The following RAPGEF5 variants were observed in gnomAD, a reference collection of about 807,000 sequenced individuals.
RAPGEF5 encodes the protein M-Ras-regulated GEF.
Under a neutral mutation model 125.2 loss-of-function variants are expected in RAPGEF5, and 65 were observed. The ratio of observed to expected loss-of-function variants is 0.52; its 90% CI spans 0.43 to 0.64. RAPGEF5 has a LOEUF of 0.64. Among genes scored for constraint, RAPGEF5 ranks in the 30% least tolerant of loss-of-function variants. The pLI is 0.00. For missense variants in RAPGEF5, 958 were observed against 1,048.1 expected (o/e 0.91, Z 1.19); for synonymous variants, 391 against 385.9 (o/e 1.01, Z -0.16).
rs532659891 is a variant in RAPGEF5 at position 22,122,580 on chromosome 7, T to C, written c.2537-59A>G. 142 of 1,293,242 alleles carry C rather than the reference T, an allele frequency of 1.1e-4. 1 individual carries two copies. The South Asian group carries it at 1.6e-3, about 15-fold the overall frequency. The allele number at this position is 1,293,242 out of a possible 1,614,324, so 80.1% of individuals were successfully genotyped here. On this transcript the variant is annotated intron_variant, in intron 25 of 25. Transcript: ENST00000665637. ...GGAGAGCAGTAATGCTGTATCTACATACCAACAAAACCCCACACTAAGGCT... is the reference window on the plus strand; with the variant it reads ...GGAGAGCAGTAATGCTGTATCTACACACCAACAAAACCCCACACTAAGGCT...
intron 7 of RAPGEF5, among the ~76,000 whole-genome samples, chr7:22,235,645 C>A (rs780030658): frequency 6.6e-6 from 1 of 152,130 alleles, no homozygotes; most frequent in Non-Finnish European, 1.5e-5. Flanking sequence ...TAGGAAAACA[C>A]CATAGTGTTT....
chr7:22,310,658 T>C lies in RAPGEF5; in HGVS notation c.390-568A>G, dbSNP rs556768517. Among the ~76,000 whole-genome samples the C allele has an allele frequency of 6.0e-4, 69 of 114,266 alleles. No individual in the cohort carries two copies. In the East Asian group the frequency reaches 0.019, roughly 32 times the overall value. 75.0% of individuals were successfully genotyped at this position (114,266 alleles called of 152,430 possible). A position where few individuals can be genotyped will look rare whatever the true frequency, so the allele number is the denominator to read the frequency against. ...AAAATTGGGACCACAGTCAGTTGTA[T>C]AGAGTTTGTTTGCTATTCTTCAAAC... is the stretch of plus-strand genomic sequence containing the variant. On this transcript the variant is annotated intron_variant, in intron 3 of 25. Transcript: ENST00000665637.
intron 11 of RAPGEF5, among the ~76,000 whole-genome samples, chr7:22,171,468 A>G (rs1432961779): frequency 6.6e-6 from 1 of 152,222 alleles, no homozygotes; most frequent in Non-Finnish European, 1.5e-5. Context: ...ATTAATATGC[A>G]TATGTTAATA....
At chr7:22,301,748 T>A (rs1201017946) in intron 5 of RAPGEF5, among the ~76,000 whole-genome samples, 1 of 152,146 alleles carries the variant, frequency 6.6e-6, no homozygotes, top group Non-Finnish European at 1.5e-5. Flanking sequence ...AAAAACTAAT[T>A]TTCAATAGTT....
intron 1 of RAPGEF5, among the ~76,000 whole-genome samples, chr7:22,321,370 C>T (rs1783712202): frequency 6.6e-6 from 1 of 152,134 alleles, no homozygotes; most frequent in Non-Finnish European, 1.5e-5. Flanking sequence ...CTGAAGCAGG[C>T]ATGGAACTCA....
At chr7:22,156,004 A>G (rs1310513102) in intron 16 of RAPGEF5, among the ~76,000 whole-genome samples, 1 of 152,232 alleles carries the variant, frequency 6.6e-6, no homozygotes, top group Non-Finnish European at 1.5e-5. Flanking sequence ...GGTACGGATG[A>G]CACTTAATAT....
chr7:22,351,983 A>G (rs1784339295), intron 1 of RAPGEF5, among the ~76,000 whole-genome samples: 1 of 152,228 alleles, frequency 6.6e-6, no homozygotes, highest in Non-Finnish European at 1.5e-5. Context: ...AATTTTGAAG[A>G]GCACAGGCCA....
intron 12 of RAPGEF5, among the ~76,000 whole-genome samples, chr7:22,163,897 T>C (rs957934691): frequency 6.6e-6 from 1 of 152,216 alleles, no homozygotes; most frequent in Non-Finnish European, 1.5e-5. Context: ...TATTTTAAAA[T>C]ATAATTTAGT....
At chr7:22,278,934 G>A (rs748889977) in intron 6 of RAPGEF5, among the ~76,000 whole-genome samples, 3 of 151,834 alleles carry the variant, frequency 2.0e-5, no homozygotes, top group African/African-American at 4.8e-5. Context: ...TTGAAGTTCC[G>A]TAATTTTTGT....
intron 1 of RAPGEF5, among the ~76,000 whole-genome samples, chr7:22,338,069 T>C (rs1024481922): frequency 2.6e-5 from 4 of 152,244 alleles, no homozygotes; most frequent in African/African-American, 9.6e-5. Context: ...AAAGTATTTT[T>C]AGCAAGTCTT....
At chr7:22,191,988 T>G (rs1785011047) in intron 11 of RAPGEF5, among the ~76,000 whole-genome samples, 1 of 152,236 alleles carries the variant, frequency 6.6e-6, no homozygotes, top group Non-Finnish European at 1.5e-5. Flanking sequence ...GTCTTTTCCA[T>G]GACAGATAAT....
chr7:22,258,121 T>C (rs1284930018), intron 7 of RAPGEF5, among the ~76,000 whole-genome samples: 1 of 152,082 alleles, frequency 6.6e-6, no homozygotes, highest in East Asian at 1.9e-4. Context: ...TCGAAAATTC[T>C]CATACAACAA....
intron 7 of RAPGEF5, among the ~76,000 whole-genome samples, chr7:22,235,904 A>G (rs927837981): frequency 6.6e-6 from 1 of 152,220 alleles, no homozygotes; most frequent in African/African-American, 2.4e-5. Flanking sequence ...CCATTCTTTA[A>G]AAAGGAAGAA....
intron 7 of RAPGEF5, among the ~76,000 whole-genome samples, chr7:22,236,091 C>G (rs544201966): frequency 6.6e-6 from 1 of 152,130 alleles, no homozygotes; most frequent in Non-Finnish European, 1.5e-5. Context: ...TCTGCTCCAG[C>G]GTGTTTTCTC....
At chr7:22,187,759 G>A (rs954955833) in intron 11 of RAPGEF5, among the ~76,000 whole-genome samples, 1 of 152,242 alleles carries the variant, frequency 6.6e-6, no homozygotes, top group Admixed American at 6.5e-5. Context: ...TGTCAGAGGG[G>A]TTGTAAAGGG....
At chr7:22,314,010 T>G (rs1276392881) in intron 3 of RAPGEF5, among the ~76,000 whole-genome samples, 1 of 152,218 alleles carries the variant, frequency 6.6e-6, no homozygotes, top group Non-Finnish European at 1.5e-5. Context: ...CGTGAGTCCA[T>G]ACACACAAAG....
intron 7 of RAPGEF5, among the ~76,000 whole-genome samples, chr7:22,256,846 G>T (rs1786774398): frequency 6.6e-6 from 1 of 152,184 alleles, no homozygotes; most frequent in African/African-American, 2.4e-5. Context: ...GGATATCTGT[G>T]CAAATTTCTG....
intron 12 of RAPGEF5, 136 bp from the exon 13 acceptor site, chr7:22,162,677 G>A (rs1784044203): frequency 2.3e-6 from 2 of 883,246 alleles, no homozygotes; most frequent in Non-Finnish European, 3.5e-6. Context: ...TGCGTAGGGA[G>A]AGCAAAAGGT....
chr7:22,150,299 C>T (rs4719685), intron 18 of RAPGEF5, 108 bp downstream of exon 18: 1 of 1,133,092 alleles, frequency 8.8e-7, no homozygotes, highest in African/African-American at 1.6e-5. Flanking sequence ...TCTCAAACTT[C>T]TGAGCTCAAG....
Sources: allele counts gnomAD v4.1 joint callset (sites outside exome capture counted in the v4.1 genomes callset), GRCh38; gene constraint gnomAD v4.1.1; transcripts MANE v1.5; gene names NCBI Gene and HGNC (gene_info 2026-07-23, HGNC 2026-07-21).